The following CNTNAP3B variants were observed in gnomAD, a reference collection of about 807,000 sequenced individuals.
CNTNAP3B encodes the protein contactin associated protein family member 3B.
In CNTNAP3B, 25 loss-of-function variants were observed where a neutral mutation model predicts 108.9. The ratio of observed to expected loss-of-function variants is 0.23; its 90% CI spans 0.17 to 0.32. The LOEUF (loss-of-function observed/expected upper bound fraction) is 0.32, where lower values mean the gene tolerates loss of function less well. Ranked by LOEUF, CNTNAP3B falls within the 10% of genes least tolerant of loss-of-function variation. CNTNAP3B has a pLI of 1.00. For synonymous variants in CNTNAP3B, 103 were observed against 473.4 expected, an observed-to-expected ratio of 0.22 and a Z score of 10.16; for missense variants, 252 against 1,210.4, an observed-to-expected ratio of 0.21 and a Z score of 11.75.
chr9:42,128,498 AT>A (rs1828618735), intron 1 of CNTNAP3B, among the ~76,000 whole-genome samples: 1 of 137,842 alleles, frequency 7.3e-6, no homozygotes, highest in Non-Finnish European at 1.5e-5. Flanking sequence ...CAGGTTATTA[AT>A]TTAGTTTCGC....
rs146354518 is a variant in CNTNAP3B at position 42,111,914 on chromosome 9, C to T, written c.86-7175G>A. 1.4e-3 allele frequency among the ~76,000 whole-genome samples: 190 copies of T among 138,822 alleles called. 38 individuals carry two copies. The highest frequency in any genetic ancestry group is 4.3e-3 in the African/African-American group (149 of 34,956). The allele number at this position is 138,822 out of a possible 152,430, so 91.1% of individuals were successfully genotyped here. On this transcript the variant is annotated intron_variant, in intron 1 of 23. Coordinates refer to ENST00000377561, the MANE Select transcript of CNTNAP3B (RefSeq NM_001201380.3). ...ACCTTACATATCACCAGAGCAGAAA[C>T]GGTTTTAAACTATTGCTGAGTGCAA...
intron 13 of CNTNAP3B, among the ~76,000 whole-genome samples, chr9:41,941,327 C>T (rs1445039131): frequency 7.2e-6 from 1 of 139,218 alleles, no homozygotes; most frequent in Non-Finnish European, 1.6e-5. Flanking sequence ...TCAAAATAAA[C>T]ATAGGCAGGT....
chr9:41,941,980 T>C (rs1018385476), intron 13 of CNTNAP3B, among the ~76,000 whole-genome samples: 1 of 152,290 alleles, frequency 6.6e-6, no homozygotes, highest in African/African-American at 2.4e-5. Flanking sequence ...CTGAACATTA[T>C]GTTCTCCTTA....
rs573943378 is a variant in CNTNAP3B, at chr9:42,122,035, G to A, written c.85+6975C>T. Among the ~76,000 whole-genome samples, 7 of 139,930 alleles carry A rather than the reference G, an allele frequency of 5.0e-5. 1 individual carries two copies. Among genetic ancestry groups the A allele is most frequent in the Non-Finnish European group, 7.7e-5 (5 of 65,038 alleles). 91.8% of individuals were successfully genotyped at this position (139,930 alleles called of 152,430 possible). A position where few individuals can be genotyped will look rare whatever the true frequency, so the allele number is the denominator to read the frequency against. On this transcript the variant is annotated intron_variant, in intron 1 of 23. Coordinates refer to ENST00000377561, the MANE Select transcript of CNTNAP3B (RefSeq NM_001201380.3). ...TGGGCACAGATGGATGTGTGCACAC[G>A]CAGTGGGTTACATGACAAGTGAGGA...
chr9:41,935,899 C>A (rs1440085429), intron 14 of CNTNAP3B, among the ~76,000 whole-genome samples: 22 of 152,400 alleles, frequency 1.4e-4, no homozygotes, highest in African/African-American at 5.3e-4. Context: ...CTAAGGGTAT[C>A]AGAGGACCTG....
intron 12 of CNTNAP3B, among the ~76,000 whole-genome samples, chr9:41,959,670 G>T (rs1398542740): frequency 6.6e-6 from 1 of 152,308 alleles, no homozygotes; most frequent in African/African-American, 2.4e-5. Context: ...ACATTGCTGT[G>T]CAGGTGGCTC....
intron 13 of CNTNAP3B, among the ~76,000 whole-genome samples, chr9:41,944,223 C>T (rs1358816037): frequency 3.4e-5 from 5 of 147,384 alleles, no homozygotes; most frequent in Non-Finnish European, 7.5e-5. Context: ...CAATATAGGT[C>T]AAAAACACAG....
At chr9:42,064,907 C>T (rs1304189003) in intron 3 of CNTNAP3B, among the ~76,000 whole-genome samples, 1 of 149,844 alleles carries the variant, frequency 6.7e-6, no homozygotes, top group Non-Finnish European at 1.5e-5. Context: ...TGAATACTGC[C>T]ATGATGAACA....
chr9:41,947,735 C>T (rs201503710), intron 13 of CNTNAP3B, among the ~76,000 whole-genome samples: 12,883 of 147,934 alleles, frequency 0.087, no homozygotes, highest in South Asian at 0.14. Flanking sequence ...AATCAAGAAA[C>T]GAAAATCTAG....
At chr9:42,014,855 C>G (rs1826194565) in intron 3 of CNTNAP3B, among the ~76,000 whole-genome samples, 1 of 51,634 alleles carries the variant, frequency 1.9e-5, no homozygotes, top group Non-Finnish European at 3.6e-5. Context: ...AAAGATCAGC[C>G]TGCCTCATAT....
At chr9:42,024,685 G>A (rs202138938) in intron 3 of CNTNAP3B, among the ~76,000 whole-genome samples, 5,768 of 70,252 alleles carry the variant, frequency 0.082, 32 homozygotes, top group Non-Finnish European at 0.12. Flanking sequence ...AAAAAAAAAA[G>A]AAAAAAAAAC....
At chr9:41,933,717 C>A (rs1036478946) in intron 14 of CNTNAP3B, among the ~76,000 whole-genome samples, 5 of 152,244 alleles carry the variant, frequency 3.3e-5, no homozygotes, top group Non-Finnish European at 7.3e-5. Flanking sequence ...ACAATATCTG[C>A]CAGGTTTGTT....
intron 2 of CNTNAP3B, among the ~76,000 whole-genome samples, chr9:42,078,827 T>G (rs1304325057): frequency 6.6e-6 from 1 of 150,446 alleles, no homozygotes; most frequent in Non-Finnish European, 1.5e-5. Flanking sequence ...TAGGAACTAC[T>G]TCCACAGTTT....
intron 13 of CNTNAP3B, among the ~76,000 whole-genome samples, chr9:41,938,817 C>A (rs1824238582): frequency 6.6e-6 from 1 of 152,290 alleles, no homozygotes; most frequent in Non-Finnish European, 1.5e-5. Flanking sequence ...CTCATCCCAT[C>A]TTTTTGCTAA....
intron 9 of CNTNAP3B, among the ~76,000 whole-genome samples, chr9:41,972,697 A>G (rs1180964049): frequency 7.4e-5 from 10 of 134,752 alleles, no homozygotes; most frequent in Non-Finnish European, 1.4e-4. Context: ...TTATATTTTT[A>G]TATTTACAAA....
rs1338809328 is a variant in CNTNAP3B, at chr9:42,095,553, G to A, written c.196+9076C>T. On this transcript the variant is annotated intron_variant, in intron 2 of 23. Coordinates refer to ENST00000377561, the MANE Select transcript of CNTNAP3B (RefSeq NM_001201380.3). ...ACTATAACCCTGACAAAAGCCACTTGAGCAAATCCGTCAGAATCATTCTGC... is the reference window on the plus strand; with the variant it reads ...ACTATAACCCTGACAAAAGCCACTTAAGCAAATCCGTCAGAATCATTCTGC... Among the ~76,000 whole-genome samples the A allele has an allele frequency of 7.9e-4, 110 of 138,552 alleles. 23 individuals carry two copies. The highest frequency in any genetic ancestry group is 3.1e-3 in the African/African-American group (109 of 34,622). The allele number at this position is 138,552 out of a possible 152,430, so 90.9% of individuals were successfully genotyped here.
At chr9:42,017,383 T>A (rs1394944657) in intron 3 of CNTNAP3B, among the ~76,000 whole-genome samples, 1 of 121,960 alleles carries the variant, frequency 8.2e-6, no homozygotes, top group African/African-American at 3.4e-5. Context: ...CAACTATTTT[T>A]AAGAAGACTG....
At chr9:42,001,216 G>A (rs1825998702) in intron 4 of CNTNAP3B, among the ~76,000 whole-genome samples, 1 of 91,094 alleles carries the variant, frequency 1.1e-5, no homozygotes, top group Non-Finnish European at 2.1e-5. Context: ...TTGGGAGGCT[G>A]ACGCGGGCAG....
chr9:41,968,709 A>C, intron 10 of CNTNAP3B, among the ~76,000 whole-genome samples: 1 of 143,528 alleles, frequency 7.0e-6, no homozygotes, highest in Non-Finnish European at 1.5e-5. Context: ...AGAGAAGATA[A>C]TTTTACAGTT....
Sources: allele counts gnomAD v4.1 joint callset (sites outside exome capture counted in the v4.1 genomes callset), GRCh38; gene constraint gnomAD v4.1.1; transcripts MANE v1.5; gene names NCBI Gene and HGNC (gene_info 2026-07-23, HGNC 2026-07-21).